TNFSF4: variants seen among roughly 807,000 people sequenced by gnomAD.
TNFSF4 encodes tumor necrosis factor ligand superfamily member 4.
TNFSF4 carries 4 observed loss-of-function variants against 7.3 expected under a neutral mutation model. The ratio of observed to expected loss-of-function variants is 0.55; its 90% CI spans 0.27 to 1.25. The LOEUF (loss-of-function observed/expected upper bound fraction) is 1.25, where lower values mean the gene tolerates loss of function less well. Among genes scored for constraint, TNFSF4 ranks in the 50% most tolerant of loss-of-function variants. The probability of loss-of-function intolerance (pLI) is 0.12; values close to 1 mark genes in which losing one functional copy is unlikely to be tolerated. For missense variants in TNFSF4, 181 were observed against 208.8 expected, an observed-to-expected ratio of 0.87 and a Z score of 0.82; for synonymous variants, 76 against 83.7, an observed-to-expected ratio of 0.91 and a Z score of 0.50.
the TNFSF4 span, among the ~76,000 whole-genome samples, chr1:173,230,240 C>T: frequency 6.6e-6 from 1 of 152,192 alleles, no homozygotes; most frequent in Non-Finnish European, 1.5e-5. Context: ...TCTCAGACCA[C>T]AGTGCAATCA....
intron 1 of TNFSF4, among the ~76,000 whole-genome samples, chr1:173,192,019 A>T (rs1320922982): frequency 2.0e-5 from 3 of 152,222 alleles, no homozygotes; most frequent in Non-Finnish European, 2.9e-5. Context: ...TCTACAAAAA[A>T]TACAAAAATT....
At chr1:173,218,585 C>A in the TNFSF4 span, among the ~76,000 whole-genome samples, 3 of 126,060 alleles carry the variant, frequency 2.4e-5, no homozygotes, top group Non-Finnish European at 3.2e-5. Flanking sequence ...ATATGAGGAA[C>A]AAAATTCCCC....
chr1:173,401,778 C>T, the TNFSF4 span, among the ~76,000 whole-genome samples: 75 of 152,224 alleles, frequency 4.9e-4, no homozygotes, highest in African/African-American at 1.6e-3. Context: ...CATACATATA[C>T]ACACACATAT....
chr1:173,303,731 G>A, the TNFSF4 span, among the ~76,000 whole-genome samples: 1 of 151,822 alleles, frequency 6.6e-6, no homozygotes, highest in African/African-American at 2.4e-5. Flanking sequence ...TTGATATAGA[G>A]CCTTCTACAC....
At chr1:173,414,767 C>T in the TNFSF4 span, among the ~76,000 whole-genome samples, 2 of 152,228 alleles carry the variant, frequency 1.3e-5, no homozygotes, top group Non-Finnish European at 2.9e-5. Context: ...CTCCAAGCTT[C>T]AGCCATGCCA....
At chr1:173,382,157 T>C in the TNFSF4 span, among the ~76,000 whole-genome samples, 3 of 151,998 alleles carry the variant, frequency 2.0e-5, no homozygotes, top group Non-Finnish European at 4.4e-5. Context: ...ACTGCGAAGG[T>C]CTGCAGCTTC....
At chr1:173,362,878 C>A in the TNFSF4 span, 3 of 475,530 alleles carry the variant, frequency 6.3e-6, no homozygotes, top group South Asian at 5.3e-5. Context: ...GTGGACTTCC[C>A]AGCTACAAAT....
chr1:173,433,207 G>A, the TNFSF4 span, among the ~76,000 whole-genome samples: 4 of 152,130 alleles, frequency 2.6e-5, no homozygotes, highest in African/African-American at 4.8e-5. Context: ...AAGACTCCTC[G>A]TATTACGCTG....
the TNFSF4 span, among the ~76,000 whole-genome samples, chr1:173,448,516 C>CA: frequency 1.3e-5 from 2 of 151,942 alleles, no homozygotes; most frequent in African/African-American, 2.4e-5. Context: ...AAAAGAGAGT[C>CA]AGAGAAGGGA....
the TNFSF4 span, among the ~76,000 whole-genome samples, chr1:173,450,415 C>G: frequency 1.3e-5 from 2 of 152,118 alleles, no homozygotes; most frequent in African/African-American, 2.4e-5. Flanking sequence ...AGGAACACTT[C>G]TCAATTGATT....
the TNFSF4 span, among the ~76,000 whole-genome samples, chr1:173,370,154 G>A: frequency 1.3e-5 from 2 of 152,164 alleles, no homozygotes; most frequent in Non-Finnish European, 2.9e-5. Context: ...GCTTTCAGAT[G>A]ATCCTGATAG....
the TNFSF4 span, among the ~76,000 whole-genome samples, chr1:173,371,593 A>G: frequency 6.6e-6 from 1 of 152,146 alleles, no homozygotes; most frequent in Non-Finnish European, 1.5e-5. Context: ...AGACATTTAA[A>G]AGTTCAAGCC....
At chr1:173,241,367 A>C in the TNFSF4 span, among the ~76,000 whole-genome samples, 1 of 152,146 alleles carries the variant, frequency 6.6e-6, no homozygotes, top group Admixed American at 6.5e-5. Flanking sequence ...ATATATATTG[A>C]CTTCTTTTCC....
chr1:173,287,592 G>T, the TNFSF4 span, among the ~76,000 whole-genome samples: 12 of 152,092 alleles, frequency 7.9e-5, no homozygotes, highest in Admixed American at 7.2e-4. Context: ...AAATGTAAAT[G>T]TTTATGGTCT....
At chr1:173,297,585 C>T in the TNFSF4 span, among the ~76,000 whole-genome samples, 2 of 151,840 alleles carry the variant, frequency 1.3e-5, no homozygotes, top group African/African-American at 4.8e-5. Context: ...AAAGTAGGTG[C>T]TAGGAGCAAG....
the TNFSF4 span, among the ~76,000 whole-genome samples, chr1:173,324,870 C>A: frequency 3.9e-5 from 6 of 152,164 alleles, no homozygotes; most frequent in Non-Finnish European, 8.8e-5. Context: ...AAAGCAAGTC[C>A]TTAGTGACCT....
In TNFSF4 at chr1:173,186,726, G is replaced by A; in HGVS notation, c.342C>T (p.Asn114=). Residue 114 remains asparagine, a synonymous_variant, in exon 3 of 3, where the codon AAC becomes AAT. Transcript: ENST00000281834. ...SLKGYFSQEV[N]ISLHYQKDEE... ...CATCCTTCTGGTAATGAAGGCTAAT[G>A]TTGACTTCCTGGGAGAAGTAGCCCT... 1 of 1,614,148 alleles carries A rather than the reference G, an allele frequency of 6.2e-7. No individual in the cohort carries two copies. The highest frequency in any genetic ancestry group is 2.2e-5 in the East Asian group (1 of 44,874).
chr1:173,408,657 C>T, the TNFSF4 span, among the ~76,000 whole-genome samples: 17 of 151,466 alleles, frequency 1.1e-4, no homozygotes, highest in African/African-American at 2.7e-4. Context: ...TGCAGTGGCT[C>T]GATCACTGCA....
chr1:173,413,514 G>A, the TNFSF4 span, among the ~76,000 whole-genome samples: 1 of 152,200 alleles, frequency 6.6e-6, no homozygotes, highest in Non-Finnish European at 1.5e-5. Context: ...CAAGGAGACA[G>A]CAGCGCTCCA....
Sources: gnomAD v4.1 joint callset for allele counts (sites outside exome capture counted in the v4.1 genomes callset) on GRCh38, gnomAD v4.1.1 for gene constraint, MANE v1.5 for transcripts, NCBI Gene and HGNC (gene_info 2026-07-23, HGNC 2026-07-21) for gene names.